CNTNAP5: variants seen among roughly 807,000 people sequenced by gnomAD.
CNTNAP5 encodes the protein contactin-associated protein-like 5.
Under a neutral mutation model 150.2 loss-of-function variants are expected in CNTNAP5, and 72 were observed. That is an observed-to-expected ratio of 0.48 (90% confidence interval 0.40 to 0.58). The LOEUF is 0.58. CNTNAP5 is among the 20% of genes least tolerant of loss of function. CNTNAP5 has a pLI of 0.00. For missense variants in CNTNAP5, 1,636 were observed against 1,626.2 expected, an observed-to-expected ratio of 1.01 and a Z score of -0.10; for synonymous variants, 672 against 619.8, an observed-to-expected ratio of 1.08 and a Z score of -1.25.
At chr2:124,441,856 CAT>C (rs144122316) in intron 5 of CNTNAP5, among the ~76,000 whole-genome samples, 1,513 of 144,404 alleles carry the variant, frequency 0.01, 9 homozygotes, top group African/African-American at 0.024. Flanking sequence ...TATCTTTGGG[CAT>C]ATATATATAT....
intron 10 of CNTNAP5, among the ~76,000 whole-genome samples, chr2:124,532,891 C>T (rs1695142987): frequency 6.6e-6 from 1 of 152,104 alleles, no homozygotes; most frequent in Admixed American, 6.5e-5. Flanking sequence ...TGTGTTAATT[C>T]CTCTGGCCAA....
At chr2:124,752,029 T>C (rs1680738523) in intron 14 of CNTNAP5, among the ~76,000 whole-genome samples, 1 of 152,140 alleles carries the variant, frequency 6.6e-6, no homozygotes, top group Non-Finnish European at 1.5e-5. Flanking sequence ...AGGATGCCCT[T>C]AATGATTATG....
intron 1 of CNTNAP5, among the ~76,000 whole-genome samples, chr2:124,163,663 G>T (rs922153549): frequency 3.3e-5 from 5 of 151,956 alleles, no homozygotes; most frequent in Admixed American, 3.3e-4. Context: ...CCTTAAATCT[G>T]CACTACAAAA....
At chr2:124,069,762 C>A (rs1289682863) in intron 1 of CNTNAP5, among the ~76,000 whole-genome samples, 1 of 152,084 alleles carries the variant, frequency 6.6e-6, no homozygotes, top group African/African-American at 2.4e-5. Flanking sequence ...TTCTTCAACA[C>A]CAGAACTGTT....
intron 3 of CNTNAP5, among the ~76,000 whole-genome samples, chr2:124,364,436 T>TC (rs1303656136): frequency 2.0e-5 from 3 of 152,158 alleles, no homozygotes; most frequent in Non-Finnish European, 4.4e-5. Context: ...TTTTATTTTT[T>TC]CCACATCACC....
At chr2:124,503,663 C>G (rs1265599790) in intron 7 of CNTNAP5, among the ~76,000 whole-genome samples, 2 of 152,178 alleles carry the variant, frequency 1.3e-5, no homozygotes, top group African/African-American at 4.8e-5. Flanking sequence ...CTTTCAAGCT[C>G]TGCCTCTCTT....
intron 8 of CNTNAP5, among the ~76,000 whole-genome samples, chr2:124,510,616 C>T (rs1694565627): frequency 6.6e-6 from 1 of 150,622 alleles, no homozygotes; most frequent in Non-Finnish European, 1.5e-5. Context: ...AGTACTGATT[C>T]CTTAAAAGGA....
chr2:124,698,180 T>C (rs1380327139), intron 13 of CNTNAP5, among the ~76,000 whole-genome samples: 1 of 151,958 alleles, frequency 6.6e-6, no homozygotes, highest in Non-Finnish European at 1.5e-5. Context: ...GCAAAATGGG[T>C]TTGAGGTGGA....
At chr2:124,343,716 C>A (rs570064796) in intron 3 of CNTNAP5, among the ~76,000 whole-genome samples, 1 of 152,248 alleles carries the variant, frequency 6.6e-6, no homozygotes, top group South Asian at 2.1e-4. Flanking sequence ...GAACGTGTTT[C>A]TCTCTCTCCT....
At chr2:124,028,806 T>G (rs1680965429) in intron 1 of CNTNAP5, among the ~76,000 whole-genome samples, 1 of 152,130 alleles carries the variant, frequency 6.6e-6, no homozygotes, top group Admixed American at 6.5e-5. Flanking sequence ...TTATTCAACC[T>G]TATAGTGCTC....
intron 19 of CNTNAP5, among the ~76,000 whole-genome samples, chr2:124,826,808 G>A (rs1356628820): frequency 1.3e-5 from 2 of 152,130 alleles, no homozygotes; most frequent in East Asian, 1.9e-4. Flanking sequence ...TGAGCAGCAG[G>A]TAAATGTGTA....
intron 21 of CNTNAP5, among the ~76,000 whole-genome samples, chr2:124,877,061 C>T (rs1677874277): frequency 6.6e-6 from 1 of 152,056 alleles, no homozygotes; most frequent in Non-Finnish European, 1.5e-5. Context: ...TAACAAGTTA[C>T]ATTTTTTCCC....
chr2:124,515,050 G>A (rs1694677058), intron 8 of CNTNAP5, among the ~76,000 whole-genome samples: 1 of 152,188 alleles, frequency 6.6e-6, no homozygotes. Flanking sequence ...CTAGCGGATG[G>A]CAAAGCCAGA....
At chr2:124,618,723 G>T (rs1317626419) in intron 12 of CNTNAP5, among the ~76,000 whole-genome samples, 1 of 152,142 alleles carries the variant, frequency 6.6e-6, no homozygotes, top group Non-Finnish European at 1.5e-5. Flanking sequence ...TGGGGCAAGT[G>T]GAAGATTTCC....
At chr2:124,204,632 T>A (rs1685816381) in intron 1 of CNTNAP5, among the ~76,000 whole-genome samples, 1 of 152,178 alleles carries the variant, frequency 6.6e-6, no homozygotes, top group African/African-American at 2.4e-5. Context: ...CTCACAATCA[T>A]GGTAGGAGGC....
intron 6 of CNTNAP5, among the ~76,000 whole-genome samples, chr2:124,462,606 A>G (rs1428046743): frequency 6.6e-6 from 1 of 152,168 alleles, no homozygotes. Context: ...TTAGTGTGCT[A>G]CTTCTAGTGG....
chr2:124,332,349 T>G (rs1332794943), intron 3 of CNTNAP5, among the ~76,000 whole-genome samples: 1 of 151,314 alleles, frequency 6.6e-6, no homozygotes, highest in Non-Finnish European at 1.5e-5. Flanking sequence ...TTTAGTAATT[T>G]TAATTACATA....
chr2:124,709,767 A>G (rs566472154), intron 13 of CNTNAP5, among the ~76,000 whole-genome samples: 1 of 152,314 alleles, frequency 6.6e-6, no homozygotes, highest in African/African-American at 2.4e-5. Context: ...CCACCAGATA[A>G]TTAAATAATC....
At chr2:124,475,643 T>C (rs1050257452) in intron 7 of CNTNAP5, among the ~76,000 whole-genome samples, 15 of 152,080 alleles carry the variant, frequency 9.9e-5, no homozygotes, top group African/African-American at 3.6e-4. Context: ...TTATATAATA[T>C]TATTATTTGT....
Sources: gnomAD v4.1 joint callset for allele counts (sites outside exome capture counted in the v4.1 genomes callset) on GRCh38, gnomAD v4.1.1 for gene constraint, MANE v1.5 for transcripts, NCBI Gene and HGNC (gene_info 2026-07-23, HGNC 2026-07-21) for gene names.